The following PDE10A variants were observed in gnomAD, a reference collection of about 807,000 sequenced individuals.
PDE10A encodes the protein cAMP and cAMP-inhibited cGMP 3',5'-cyclic phosphodiesterase 10A.
Under a neutral mutation model 97.7 loss-of-function variants are expected in PDE10A, and 39 were observed. The observed-to-expected ratio is 0.40, with a 90% confidence interval of 0.31 to 0.52. The LOEUF (loss-of-function observed/expected upper bound fraction) is 0.52, where lower values mean the gene tolerates loss of function less well. Ranked by LOEUF, PDE10A falls within the 20% of genes least tolerant of loss-of-function variation. The pLI is 0.56. For missense variants in PDE10A, 731 were observed against 1,047.8 expected (o/e 0.70, Z 4.17); for synonymous variants, 371 against 376.8 (o/e 0.98, Z 0.18).
chr6:165,410,449 C>T (rs1336679300), intron 13 of PDE10A, among the ~76,000 whole-genome samples: 1 of 151,428 alleles, frequency 6.6e-6, no homozygotes, highest in Admixed American at 6.6e-5. Flanking sequence ...AGCCAAATTT[C>T]TCACTGTAAC....
chr6:165,818,883 T>C (rs1779490742), intron 1 of PDE10A, among the ~76,000 whole-genome samples: 1 of 152,216 alleles, frequency 6.6e-6, no homozygotes, highest in African/African-American at 2.4e-5. Flanking sequence ...CTGTAGTATG[T>C]TTAGCAGGTG....
intron 1 of PDE10A, among the ~76,000 whole-genome samples, chr6:165,770,620 C>T (rs567208867): frequency 1.2e-4 from 19 of 152,302 alleles, no homozygotes; most frequent in South Asian, 2.1e-4. Flanking sequence ...CAGCCTGCAG[C>T]CCTCCATTCT....
In PDE10A at chr6:165,482,442, T is replaced by C. The variant is rs1775089727; in HGVS notation, c.995-99A>G. On this transcript the variant is annotated intron_variant, in intron 2 of 21. Coordinates refer to ENST00000539869, the MANE Select transcript of PDE10A (RefSeq NM_001385079.1). ...TGCTTTCAATAAACTTGAAGGGTTT[T>C]TTTGCAATGCTTCCTCTTACGAAAT... 2.4e-5 allele frequency: 21 copies of C among 866,006 alleles called. 1 individual carries two copies. The South Asian group carries it at 2.8e-4, about 12-fold the overall frequency. 53.6% of individuals were successfully genotyped at this position (866,006 alleles called of 1,614,324 possible).
intron 1 of PDE10A, among the ~76,000 whole-genome samples, chr6:165,673,473 C>T (rs1205187304): frequency 6.6e-6 from 1 of 152,208 alleles, no homozygotes; most frequent in African/African-American, 2.4e-5. Flanking sequence ...AGGGTTAAAA[C>T]CTCGCCGGAG....
At chr6:165,344,444 T>C (rs886517907) in intron 18 of PDE10A, among the ~76,000 whole-genome samples, 1 of 152,240 alleles carries the variant, frequency 6.6e-6, no homozygotes, top group Non-Finnish European at 1.5e-5. Flanking sequence ...CTCTTACTTC[T>C]AGCTCCTATC....
At chr6:165,405,619 T>A (rs1253935754) in intron 13 of PDE10A, among the ~76,000 whole-genome samples, 1 of 152,218 alleles carries the variant, frequency 6.6e-6, no homozygotes, top group African/African-American at 2.4e-5. Context: ...TTTCCGTTTA[T>A]CTGTTGAGGG....
intron 1 of PDE10A, among the ~76,000 whole-genome samples, chr6:165,831,780 C>T (rs1278762493): frequency 2.0e-5 from 3 of 152,122 alleles, no homozygotes; most frequent in African/African-American, 7.2e-5. Flanking sequence ...CCACTGCACC[C>T]GGCCGCAGGA....
chr6:165,648,850 A>G (rs546450471), intron 1 of PDE10A, among the ~76,000 whole-genome samples: 1 of 152,332 alleles, frequency 6.6e-6, no homozygotes, highest in South Asian at 2.1e-4. Context: ...AACCTTTCAC[A>G]CAAAGGCATT....
intron 1 of PDE10A, among the ~76,000 whole-genome samples, chr6:165,757,132 A>C (rs959825896): frequency 1.3e-5 from 2 of 152,018 alleles, no homozygotes; most frequent in African/African-American, 4.8e-5. Context: ...ACATCCGGCT[A>C]ATTTTTGCAT....
rs192912064 is a variant in PDE10A at position 165,767,542 on chromosome 6, T to G, written c.-615+219987A>C. Among the ~76,000 whole-genome samples the G allele has an allele frequency of 7.2e-5, 11 of 152,368 alleles. No individual in the cohort carries two copies. In the East Asian group the frequency reaches 1.7e-3, roughly 24 times the overall value. ...TTCACATAAGTAGAATCAAGCAATGTGTGGACCTCTTTGACTGGCTTCTCT... is the reference window on the plus strand; with the variant it reads ...TTCACATAAGTAGAATCAAGCAATGGGTGGACCTCTTTGACTGGCTTCTCT... On this transcript the variant is annotated intron_variant, in intron 1 of 19. Coordinates refer to the PDE10A transcript ENST00000366882.
At chr6:165,356,991 T>C (rs1243200998) in intron 18 of PDE10A, among the ~76,000 whole-genome samples, 3 of 152,200 alleles carry the variant, frequency 2.0e-5, no homozygotes, top group African/African-American at 4.8e-5. Context: ...ACTTAATATA[T>C]GAACTATCAT....
intron 1 of PDE10A, among the ~76,000 whole-genome samples, chr6:165,550,294 G>A (rs1158662687): frequency 1.3e-5 from 2 of 152,052 alleles, no homozygotes; most frequent in East Asian, 3.8e-4. Flanking sequence ...AAAATTCTAA[G>A]GTATACGTAA....
chr6:165,697,178 C>T (rs1791462660), intron 1 of PDE10A, among the ~76,000 whole-genome samples: 1 of 151,892 alleles, frequency 6.6e-6, no homozygotes. Context: ...CTTAATGAAC[C>T]CCAAGTAGAA....
intron 1 of PDE10A, among the ~76,000 whole-genome samples, chr6:165,606,126 A>G (rs1377964402): frequency 6.8e-6 from 1 of 147,540 alleles, no homozygotes; most frequent in Non-Finnish European, 1.5e-5. Context: ...TCTGACCTTG[A>G]GCAAATTATT....
chr6:165,817,907 G>A (rs373743310), intron 1 of PDE10A, among the ~76,000 whole-genome samples: 1 of 152,202 alleles, frequency 6.6e-6, no homozygotes, highest in South Asian at 2.1e-4. Context: ...ATGAAGGGCA[G>A]AGCAAGCCTA....
intron 10 of PDE10A, among the ~76,000 whole-genome samples, chr6:165,427,692 T>C (rs1268120877): frequency 6.6e-6 from 1 of 152,114 alleles, no homozygotes; most frequent in African/African-American, 2.4e-5. Context: ...ATATTAATAA[T>C]ACAAAGAACG....
chr6:165,619,321 G>GTA (rs1787924585), intron 1 of PDE10A, among the ~76,000 whole-genome samples: 1 of 40,858 alleles, frequency 2.4e-5, no homozygotes, highest in African/African-American at 1.1e-4. Context: ...AGTCTAGTGT[G>GTA]GTGTAGTGTA....
At chr6:165,476,440 A>G (rs1228201923) in intron 3 of PDE10A, among the ~76,000 whole-genome samples, 1 of 152,192 alleles carries the variant, frequency 6.6e-6, no homozygotes, top group Admixed American at 6.5e-5. Flanking sequence ...AAGAAACAGT[A>G]GAGAAGTTCA....
At chr6:165,921,603 C>T (rs1782754598) in intron 1 of PDE10A, among the ~76,000 whole-genome samples, 1 of 152,086 alleles carries the variant, frequency 6.6e-6, no homozygotes, top group Admixed American at 6.5e-5. Flanking sequence ...AGAAGGGTAA[C>T]ATTTGGGCAC....
Sources: gnomAD v4.1 joint callset for allele counts (sites outside exome capture counted in the v4.1 genomes callset) on GRCh38, gnomAD v4.1.1 for gene constraint, MANE v1.5 for transcripts, NCBI Gene and HGNC (gene_info 2026-07-23, HGNC 2026-07-21) for gene names.